The following RNF185 variants were observed in gnomAD, a reference collection of about 807,000 sequenced individuals.
The protein encoded by RNF185 is E3 ubiquitin-protein ligase RNF185.
Under a neutral mutation model 24.9 loss-of-function variants are expected in RNF185, and 13 were observed. The ratio of observed to expected loss-of-function variants is 0.52; its 90% CI spans 0.34 to 0.83. RNF185 has a LOEUF of 0.83. Ranked by LOEUF, RNF185 falls within the 40% of genes least tolerant of loss-of-function variation. The pLI is 0.01. For synonymous variants in RNF185, 79 were observed against 90.3 expected (o/e 0.88, Z 0.71); for missense variants, 184 against 244.7 (o/e 0.75, Z 1.65).
At chr22:31,197,705 G>T (rs1446319260) in intron 5 of RNF185, among the ~76,000 whole-genome samples, 1 of 152,114 alleles carries the variant, frequency 6.6e-6, no homozygotes, top group Non-Finnish European at 1.5e-5. Flanking sequence ...ACGGCACCAT[G>T]CCCAGCTAGT....
chr22:31,193,064 G>A (rs2048170794), intron 3 of RNF185, among the ~76,000 whole-genome samples: 1 of 152,168 alleles, frequency 6.6e-6, no homozygotes, highest in Non-Finnish European at 1.5e-5. Flanking sequence ...ATTAGGAAGG[G>A]GAAAATTTTT....
At chr22:31,204,073 G>T (rs1369279481) in intron 6 of RNF185, among the ~76,000 whole-genome samples, 1 of 149,890 alleles carries the variant, frequency 6.7e-6, no homozygotes, top group Admixed American at 6.7e-5. Flanking sequence ...GGCCAGGCAT[G>T]GTGGCTCATG....
intron 1 of RNF185, among the ~76,000 whole-genome samples, chr22:31,185,708 G>T (rs1602827655): frequency 1.3e-5 from 2 of 152,222 alleles, no homozygotes; most frequent in Non-Finnish European, 2.9e-5. Flanking sequence ...CTGAGGTGAT[G>T]AGGGTGGCCA....
At chr22:31,190,312 A>C (rs894371456) in intron 2 of RNF185, among the ~76,000 whole-genome samples, 5 of 152,068 alleles carry the variant, frequency 3.3e-5, no homozygotes, top group African/African-American at 1.2e-4. Flanking sequence ...TTTTTTGAGG[A>C]GTCTCACTCT....
At chr22:31,174,835 C>T (rs547242463) in intron 1 of RNF185, among the ~76,000 whole-genome samples, 8 of 151,484 alleles carry the variant, frequency 5.3e-5, no homozygotes, top group South Asian at 2.1e-4. Flanking sequence ...TTTGGGAGGC[C>T]GAGGTGGGCG....
chr22:31,187,407 C>G, intron 2 of RNF185, 137 bp downstream of exon 2: 1 of 903,208 alleles, frequency 1.1e-6, no homozygotes, highest in Non-Finnish European at 1.7e-6. Flanking sequence ...ACCTGAGTTC[C>G]CATCCCAGCT....
At position 31,187,273 on chromosome 22, in the gene RNF185, C is replaced by T. The variant is rs764836847; in HGVS notation, c.176+3C>T. On this transcript the variant is annotated splice_donor_region_variant and intron_variant, in intron 2 of 6. Coordinates refer to ENST00000326132, the MANE Select transcript of RNF185 (RefSeq NM_152267.4). ...AGCCTGTGTGGCCACCTCTTCTGGT[C>T]AGTACCCCTACTTCCACCCCAGAGA... 5 of 1,613,822 alleles carry T rather than the reference C, an allele frequency of 3.1e-6. No individual in the cohort carries two copies. The South Asian group carries it at 5.5e-5, about 18-fold the overall frequency.
chr22:31,201,144 C>T (rs186400520), intron 5 of RNF185, among the ~76,000 whole-genome samples: 1 of 152,320 alleles, frequency 6.6e-6, no homozygotes, highest in Admixed American at 6.5e-5. Context: ...TCCTATAAAG[C>T]ATGTAGAAGG....
At chr22:31,175,721 C>T (rs531058069) in intron 1 of RNF185, among the ~76,000 whole-genome samples, 1 of 151,918 alleles carries the variant, frequency 6.6e-6, no homozygotes, top group Non-Finnish European at 1.5e-5. Context: ...GACTTTTCAG[C>T]CTATATCCTT....
intron 4 of RNF185, among the ~76,000 whole-genome samples, chr22:31,196,549 G>A (rs1157479473): frequency 1.3e-5 from 2 of 152,156 alleles, no homozygotes; most frequent in East Asian, 3.9e-4. Flanking sequence ...GAGAAACCAT[G>A]AACCTCAGCC....
chr22:31,185,662 CTG>C (rs1182042079), intron 1 of RNF185, among the ~76,000 whole-genome samples: 1 of 152,218 alleles, frequency 6.6e-6, no homozygotes, highest in African/African-American at 2.4e-5. Context: ...ACTTCTCTGA[CTG>C]TGGTAGCCAG....
At chr22:31,204,306 G>A (rs796677757) in intron 6 of RNF185, among the ~76,000 whole-genome samples, 183 bp from the exon 7 acceptor site, 44 of 151,428 alleles carry the variant, frequency 2.9e-4, no homozygotes, top group African/African-American at 9.7e-4. Flanking sequence ...TCGTGCCACT[G>A]CACTCTAGCC....
At chr22:31,187,802 A>G (rs1273256070) in intron 2 of RNF185, among the ~76,000 whole-genome samples, 1 of 152,186 alleles carries the variant, frequency 6.6e-6, no homozygotes, top group Non-Finnish European at 1.5e-5. Context: ...TTATATATAG[A>G]TAGATACACT....
intron 1 of RNF185, among the ~76,000 whole-genome samples, chr22:31,163,242 A>G (rs969914382): frequency 6.6e-6 from 1 of 152,196 alleles, no homozygotes; most frequent in Admixed American, 6.6e-5. Flanking sequence ...ATTACTTCCC[A>G]TAAAAACCAT....
At chr22:31,183,593 G>C (rs1355127333) in intron 1 of RNF185, among the ~76,000 whole-genome samples, 1 of 152,042 alleles carries the variant, frequency 6.6e-6, no homozygotes, top group East Asian at 1.9e-4. Flanking sequence ...GACTCTTAAC[G>C]AGTATGCTGC....
intron 2 of RNF185, 123 bp downstream of exon 2, chr22:31,187,393 A>G: frequency 3.9e-6 from 4 of 1,033,068 alleles, no homozygotes; most frequent in East Asian, 2.5e-5. Context: ...TCAAGGGACA[A>G]GAGACCTGAG....
intron 1 of RNF185, among the ~76,000 whole-genome samples, chr22:31,170,062 G>C (rs1433357099): frequency 2.6e-5 from 4 of 152,198 alleles, no homozygotes; most frequent in Non-Finnish European, 5.9e-5. Flanking sequence ...TGGCCATTCT[G>C]TCCTGGGTCC....
chr22:31,166,793 G>T (rs1433661434), intron 1 of RNF185, among the ~76,000 whole-genome samples: 1 of 151,992 alleles, frequency 6.6e-6, no homozygotes, highest in Non-Finnish European at 1.5e-5. Flanking sequence ...GGGATTATAG[G>T]TGCCTGCCAC....
chr22:31,196,786 C>T (rs1601374784), intron 4 of RNF185, 150 bp from the exon 5 acceptor site: 2 of 979,798 alleles, frequency 2.0e-6, no homozygotes, highest in East Asian at 2.9e-5. Context: ...ATGAAGAGTT[C>T]GTATTTGGAG....
Sources: allele counts gnomAD v4.1 joint callset (sites outside exome capture counted in the v4.1 genomes callset), GRCh38; gene constraint gnomAD v4.1.1; transcripts MANE v1.5; gene names NCBI Gene and HGNC (gene_info 2026-07-23, HGNC 2026-07-21).